The following ADGRL3 variants were observed in gnomAD, a reference collection of about 807,000 sequenced individuals.
ADGRL3 encodes adhesion G protein-coupled receptor L3.
Under a neutral mutation model 153.5 loss-of-function variants are expected in ADGRL3, and 62 were observed. That is an observed-to-expected ratio of 0.40 (90% confidence interval 0.33 to 0.50). The LOEUF (loss-of-function observed/expected upper bound fraction) is 0.50, where lower values mean the gene tolerates loss of function less well. Among genes scored for constraint, ADGRL3 ranks in the 20% least tolerant of loss-of-function variants. The probability of loss-of-function intolerance (pLI) is 0.47; values close to 1 mark genes in which losing one functional copy is unlikely to be tolerated. For missense variants in ADGRL3, 1,641 were observed against 1,859.4 expected (o/e 0.88, Z 2.16); for synonymous variants, 710 against 672.5 (o/e 1.06, Z -0.86).
intron 11 of ADGRL3, among the ~76,000 whole-genome samples, chr4:61,901,553 G>A (rs1236089517): frequency 6.6e-6 from 1 of 152,122 alleles, no homozygotes; most frequent in Non-Finnish European, 1.5e-5. Flanking sequence ...TTAATTGTAA[G>A]ATAGAAGCAT....
At chr4:61,901,340 A>C (rs958443141) in intron 11 of ADGRL3, among the ~76,000 whole-genome samples, 1 of 152,186 alleles carries the variant, frequency 6.6e-6, no homozygotes, top group East Asian at 1.9e-4. Flanking sequence ...GCCATTTTAC[A>C]TCATTTGACA....
At chr4:61,783,877 C>T (rs866553200) in intron 8 of ADGRL3, among the ~76,000 whole-genome samples, 9 of 151,782 alleles carry the variant, frequency 5.9e-5, no homozygotes, top group Non-Finnish European at 7.4e-5. Context: ...TATGACACTC[C>T]TAGAAAATGA....
At chr4:61,668,136 G>A (rs2094865161) in intron 5 of ADGRL3, among the ~76,000 whole-genome samples, 1 of 152,038 alleles carries the variant, frequency 6.6e-6, no homozygotes, top group Admixed American at 6.6e-5. Context: ...TTATCAAGGT[G>A]GGCCATAAAT....
At chr4:61,432,625 T>C (rs2097377314) in intron 2 of ADGRL3, among the ~76,000 whole-genome samples, 2 of 84,256 alleles carry the variant, frequency 2.4e-5, no homozygotes, top group African/African-American at 4.4e-5. Context: ...TTTCTTTCTT[T>C]CTTTCTTTCT....
chr4:61,938,943 C>A (rs1400980028), intron 15 of ADGRL3, among the ~76,000 whole-genome samples: 1 of 138,110 alleles, frequency 7.2e-6, no homozygotes, highest in Non-Finnish European at 1.5e-5. Context: ...CCACTTGATT[C>A]TAAGGTTCAG....
chr4:61,509,885 C>T (rs1309476819), intron 3 of ADGRL3, among the ~76,000 whole-genome samples: 2 of 152,146 alleles, frequency 1.3e-5, no homozygotes, highest in Non-Finnish European at 2.9e-5. Context: ...TTTCCACCAA[C>T]AGTATGTAAG....
chr4:61,443,038 A>G (rs1001414181), intron 2 of ADGRL3, among the ~76,000 whole-genome samples: 8 of 152,212 alleles, frequency 5.3e-5, no homozygotes, highest in Middle Eastern at 3.2e-3. Flanking sequence ...AACAGAAGTT[A>G]TAAGACTTAG....
intron 2 of ADGRL3, among the ~76,000 whole-genome samples, chr4:61,412,901 T>G (rs2097104202): frequency 6.6e-6 from 1 of 152,214 alleles, no homozygotes; most frequent in Admixed American, 6.5e-5. Flanking sequence ...TTAACATCTC[T>G]ATCATCCTGG....
intron 4 of ADGRL3, among the ~76,000 whole-genome samples, chr4:61,574,222 C>T (rs1366148080): frequency 2.6e-5 from 4 of 151,834 alleles, no homozygotes; most frequent in South Asian, 2.1e-4. Context: ...GCACATTTTT[C>T]GTAAAGCAGC....
intron 8 of ADGRL3, among the ~76,000 whole-genome samples, chr4:61,778,822 C>T (rs1354706056): frequency 6.6e-6 from 1 of 152,128 alleles, no homozygotes; most frequent in African/African-American, 2.4e-5. Flanking sequence ...CTGTGGGAGG[C>T]CAAGGCAGGT....
At chr4:61,886,807 A>G (rs891594650) in intron 9 of ADGRL3, among the ~76,000 whole-genome samples, 1 of 151,210 alleles carries the variant, frequency 6.6e-6, no homozygotes, top group African/African-American at 2.4e-5. Context: ...ATGCCCGGCT[A>G]ATTTTTTTTT....
intron 3 of ADGRL3, among the ~76,000 whole-genome samples, chr4:61,500,543 G>A (rs938305861): frequency 6.6e-6 from 1 of 152,138 alleles, no homozygotes; most frequent in African/African-American, 2.4e-5. Flanking sequence ...GGGTTAAAAT[G>A]TATGTCACAG....
rs781296932 is a variant in ADGRL3, at chr4:61,497,283, AG to A, written c.-10del. 1 of 1,572,376 alleles carries A rather than the reference AG, an allele frequency of 6.4e-7. No individual in the cohort carries two copies. The highest frequency in any genetic ancestry group is 8.7e-7 in the Non-Finnish European group (1 of 1,148,196). ...ATTCTTGAGGAATACTCCATACCTGAGTAGACAGCCATGTGGCCATCGCAGC... is the reference window on the plus strand; with the variant it reads ...ATTCTTGAGGAATACTCCATACCTGATAGACAGCCATGTGGCCATCGCAGC... On this transcript the variant is annotated 5_prime_UTR_variant, in exon 3 of 27. Transcript: ENST00000683033.
At chr4:61,632,949 A>G (rs1040975810) in intron 5 of ADGRL3, among the ~76,000 whole-genome samples, 6 of 152,206 alleles carry the variant, frequency 3.9e-5, no homozygotes, top group Non-Finnish European at 8.8e-5. Context: ...GCTTCCCAAT[A>G]TTAATGGGGT....
rs1272595053 is a variant in ADGRL3, at chr4:61,889,837, G to A, written c.1481-2819G>A. On this transcript the variant is annotated intron_variant, in intron 9 of 26. Coordinates refer to ENST00000683033, the MANE Select transcript of ADGRL3 (RefSeq NM_001387552.1). The stretch of plus-strand genomic sequence containing the variant: ...GCTGGAGAAATCTTGCACTACGTGT[G>A]TAACTGTGTAGTTTGTCATAGTGAA... Among the ~76,000 whole-genome samples the A allele has an allele frequency of 4.6e-5, 7 of 152,290 alleles. No individual in the cohort carries two copies. The East Asian group carries it at 5.8e-4, about 13-fold the overall frequency.
intron 15 of ADGRL3, among the ~76,000 whole-genome samples, chr4:61,936,992 T>A (rs531062511): frequency 3.3e-5 from 5 of 152,254 alleles, no homozygotes; most frequent in African/African-American, 1.2e-4. Flanking sequence ...AATAAAATGG[T>A]CTGTAAATGT....
intron 8 of ADGRL3, among the ~76,000 whole-genome samples, chr4:61,763,536 T>C (rs2096938396): frequency 6.6e-6 from 1 of 152,136 alleles, no homozygotes; most frequent in Admixed American, 6.6e-5. Flanking sequence ...GAGTGGCACA[T>C]TTACGAATAT....
intron 5 of ADGRL3, among the ~76,000 whole-genome samples, chr4:61,651,158 G>A (rs2094233028): frequency 6.6e-6 from 1 of 152,040 alleles, no homozygotes; most frequent in Admixed American, 6.5e-5. Flanking sequence ...TTCTATATGA[G>A]AAAAGCATAG....
intron 17 of ADGRL3, among the ~76,000 whole-genome samples, chr4:61,964,815 A>G (rs1510925): frequency 0.19 from 29,449 of 151,650 alleles, 3,463 homozygotes; most frequent in East Asian, 0.43. Context: ...AAGAAAGCAT[A>G]ATCAATCAAC....
Sources: gnomAD v4.1 joint callset for allele counts (sites outside exome capture counted in the v4.1 genomes callset) on GRCh38, gnomAD v4.1.1 for gene constraint, MANE v1.5 for transcripts, NCBI Gene and HGNC (gene_info 2026-07-23, HGNC 2026-07-21) for gene names.